The following C6 variants were observed in gnomAD, a reference collection of about 807,000 sequenced individuals.
C6 encodes complement C6.
A neutral mutation model predicts 112.9 loss-of-function variants in C6; 101 were observed. That is an observed-to-expected ratio of 0.89 (90% CI 0.76 to 1.06). The LOEUF (loss-of-function observed/expected upper bound fraction) is 1.06, where lower values mean the gene tolerates loss of function less well. Ranked by LOEUF, C6 falls within the 50% of genes least tolerant of loss-of-function variation. The pLI, the probability that C6 is intolerant of heterozygous loss-of-function variation, is 0.00. For synonymous variants in C6, 431 were observed against 384.1 expected (o/e 1.12, Z -1.43); for missense variants, 1,202 against 1,104.6 (o/e 1.09, Z -1.25).
chr5:41,238,564 A>C (rs951936776), intron 1 of C6, among the ~76,000 whole-genome samples: 1 of 152,242 alleles, frequency 6.6e-6, no homozygotes, highest in Non-Finnish European at 1.5e-5. Context: ...GAAAAGAGGA[A>C]GAGAAGAGAC....
At chr5:41,160,401 C>T (rs1309487094) in intron 10 of C6, 34 bp from the exon 11 acceptor site, 6 of 1,539,650 alleles carry the variant, frequency 3.9e-6, no homozygotes, top group South Asian at 3.3e-5. Context: ...GGTCCAGTCA[C>T]ATCCCCTTTG....
chr5:41,172,573 C>A, intron 8 of C6: 1 of 586,112 alleles, frequency 1.7e-6, no homozygotes, highest in Non-Finnish European at 3.1e-6. Flanking sequence ...TGCCCATCAT[C>A]TCCCCTTTCA....
At chr5:41,218,562 G>A (rs1738963691) in intron 1 of C6, among the ~76,000 whole-genome samples, 1 of 151,518 alleles carries the variant, frequency 6.6e-6, no homozygotes, top group Non-Finnish European at 1.5e-5. Context: ...TTTTTTCCTG[G>A]GTCTATGCTT....
chr5:41,203,915 T>C (rs1751224010), intron 1 of C6, among the ~76,000 whole-genome samples: 2 of 151,994 alleles, frequency 1.3e-5, no homozygotes, highest in Non-Finnish European at 1.5e-5. Context: ...CTTCACTGAG[T>C]TTCTAACAAT....
chr5:41,158,997 G>T lies in C6; in HGVS notation c.1856+85C>A, dbSNP rs908384662. The stretch of plus-strand genomic sequence containing the variant: ...AAAGTTCTAATTATTTCTTTACTTA[G>T]CAGTAGACTAATAACCATTTGAACT... On this transcript the variant is annotated intron_variant, in intron 12 of 17. Coordinates refer to ENST00000337836, the MANE Select transcript of C6 (RefSeq NM_000065.5). 60 of 1,435,426 alleles carry T rather than the reference G, an allele frequency of 4.2e-5. No individual in the cohort carries two copies. In the African/African-American group the frequency reaches 6.3e-4, roughly 15 times the overall value. The allele number at this position is 1,435,426 out of a possible 1,614,324, so 88.9% of individuals were successfully genotyped here.
chr5:41,176,550 A>T lies in C6; in HGVS notation c.1093T>A (p.Tyr365Asn), dbSNP rs768032419. The change falls in exon 8 of 18, where the codon TAC (tyrosine) becomes AAC (asparagine). Residue 365 changes from tyrosine to asparagine, a missense_variant. Transcript: ENST00000337836. Reference protein sequence around the residue: ...SRIFDDFGTHYFTSGSLGGVY... With the variant: ...SRIFDDFGTHNFTSGSLGGVY... The stretch of plus-strand genomic sequence containing the variant: ...CCTCCCAGGGAGCCAGAGGTGAAGT[A>T]ATGAGTCCCAAAGTCATCGAATATT... The T allele has an allele frequency of 6.2e-7, 1 of 1,613,922 alleles. No individual in the cohort carries two copies. The highest frequency in any genetic ancestry group is 1.7e-5 in the Admixed American group (1 of 60,016).
In C6 at chr5:41,199,749, T is replaced by C. The variant is rs756277609; in HGVS notation, c.445+19A>G. ...AGCTATTTTTAGTGGGGACTGAACA[T>C]TTCACAAAAATACATTACCACTGTC... is the stretch of plus-strand genomic sequence containing the variant. On this transcript the variant is annotated intron_variant, in intron 4 of 17. Coordinates refer to ENST00000337836, the MANE Select transcript of C6 (RefSeq NM_000065.5). 5 of 1,612,790 alleles carry C rather than the reference T, an allele frequency of 3.1e-6. No homozygotes were observed. Among genetic ancestry groups the C allele is most frequent in the Non-Finnish European group, 4.2e-6 (5 of 1,178,958 alleles).
Position 41,142,995 on chromosome 5 carries a change from T to C in C6, c.2635A>G (p.Lys879Glu). The change falls in exon 18 of 18, where the codon AAA (lysine) becomes GAA (glutamate). Residue 879 changes from lysine to glutamate, a missense_variant. By Grantham distance (56) the Lys-to-Glu change is moderately conservative (BLOSUM62 1). Coordinates refer to ENST00000337836, the MANE Select transcript of C6 (RefSeq NM_000065.5). ...DWEKCSASTSKCVCLLPPQCF... is the reference protein window; with the variant it reads ...DWEKCSASTSECVCLLPPQCF... ...TGTGGGGGCAATAGGCAGACACATT[T>C]GGAAGTGGAGGCTGTAATGAGAGAG... The C allele has an allele frequency of 6.2e-7, 1 of 1,613,324 alleles. No homozygotes were observed. The highest frequency in any genetic ancestry group is 8.5e-7 in the Non-Finnish European group (1 of 1,179,500).
intron 4 of C6, among the ~76,000 whole-genome samples, chr5:41,196,429 A>G (rs1750626017): frequency 6.6e-6 from 1 of 151,972 alleles, no homozygotes; most frequent in African/African-American, 2.4e-5. Flanking sequence ...ATTCCTTTAT[A>G]TGATGTCCAG....
rs779956309 is a variant in C6, at chr5:41,142,780, G to A, written c.*45C>T. The A allele has an allele frequency of 8.8e-6, 13 of 1,472,344 alleles. No homozygotes were observed. Among genetic ancestry groups the A allele is most frequent in the Middle Eastern group, 1.8e-4 (1 of 5,670 alleles). 91.2% of individuals were successfully genotyped at this position (1,472,344 alleles called of 1,614,324 possible). On this transcript the variant is annotated 3_prime_UTR_variant, in exon 18 of 18. Transcript: ENST00000337836. ...TCTCATTTGTAGGAGTTGGTTCTTCGGGATGGTAAATCTGTTCATTGTGCT... is the reference window on the plus strand; with the variant it reads ...TCTCATTTGTAGGAGTTGGTTCTTCAGGATGGTAAATCTGTTCATTGTGCT...
intron 9 of C6, among the ~76,000 whole-genome samples, chr5:41,168,713 A>T (rs1748183236): frequency 6.6e-6 from 1 of 152,154 alleles, no homozygotes; most frequent in East Asian, 1.9e-4. Context: ...TTCCTTACGG[A>T]TGGACTAAAT....
intron 9 of C6, among the ~76,000 whole-genome samples, chr5:41,167,002 C>A (rs1454937990): frequency 6.6e-6 from 1 of 151,974 alleles, no homozygotes; most frequent in Non-Finnish European, 1.5e-5. Flanking sequence ...TTCTTTACTC[C>A]TGGGCTCTAT....
chr5:41,199,692 G>T (rs1580173081), intron 4 of C6, 76 bp downstream of exon 4: 1 of 1,375,558 alleles, frequency 7.3e-7, no homozygotes, highest in African/African-American at 1.4e-5. Context: ...GGATTCTACT[G>T]TTAGTCAATT....
chr5:41,159,449 T>C (rs1747261347), intron 11 of C6, 196 bp from the exon 12 acceptor site: 2 of 985,060 alleles, frequency 2.0e-6, no homozygotes, highest in African/African-American at 3.5e-5. Flanking sequence ...TAGACTTTGT[T>C]CCCATAAGCC....
intron 5 of C6, among the ~76,000 whole-genome samples, chr5:41,190,275 A>AT (rs1561148499): frequency 3.3e-5 from 5 of 151,962 alleles, no homozygotes; most frequent in African/African-American, 9.7e-5. Flanking sequence ...AGCATTTGCT[A>AT]TTTTTTTGTC....
intron 1 of C6, among the ~76,000 whole-genome samples, chr5:41,227,439 G>C (rs1052049546): frequency 1.1e-4 from 16 of 151,978 alleles, no homozygotes; most frequent in African/African-American, 3.4e-4. Context: ...TCTTGACTGT[G>C]CAGGAGATTT....
At chr5:41,248,190 T>A (rs1741136891) in intron 1 of C6, among the ~76,000 whole-genome samples, 1 of 152,210 alleles carries the variant, frequency 6.6e-6, no homozygotes, top group South Asian at 2.1e-4. Context: ...CTTAAAATTT[T>A]AAATGTAACA....
At chr5:41,159,848 T>C (rs1374190387) in intron 11 of C6, among the ~76,000 whole-genome samples, 2 of 152,172 alleles carry the variant, frequency 1.3e-5, no homozygotes, top group African/African-American at 2.4e-5. Context: ...TGTATATGTA[T>C]TCTTGATATA....
At chr5:41,162,786 T>C (rs1430587936) in intron 9 of C6, among the ~76,000 whole-genome samples, 1 of 152,116 alleles carries the variant, frequency 6.6e-6, no homozygotes, top group African/African-American at 2.4e-5. Context: ...ATGAAGAAAG[T>C]AGTATGGCTG....
Sources: allele counts gnomAD v4.1 joint callset (sites outside exome capture counted in the v4.1 genomes callset), GRCh38; gene constraint gnomAD v4.1.1; transcripts MANE v1.5; gene names NCBI Gene and HGNC (gene_info 2026-07-23, HGNC 2026-07-21).